Variants in SPTBN2 observed in about 807,000 individuals in gnomAD.
SPTBN2 encodes the protein spectrin beta, non-erythrocytic 2.
SPTBN2 carries 107 observed loss-of-function variants against 284.2 expected under a neutral mutation model. The ratio of observed to expected loss-of-function variants is 0.38; its 90% CI spans 0.32 to 0.44. The LOEUF is 0.44. Among genes scored for constraint, SPTBN2 ranks in the 20% least tolerant of loss-of-function variants. The probability of loss-of-function intolerance (pLI) is 1.00; values close to 1 mark genes in which losing one functional copy is unlikely to be tolerated. For synonymous variants in SPTBN2, 1,289 were observed against 1,354.8 expected (o/e 0.95, Z 1.07); for missense variants, 2,569 against 3,287.1 (o/e 0.78, Z 5.34).
intron 5 of SPTBN2, among the ~76,000 whole-genome samples, chr11:66,714,691 GAGCTGGCTCTCCAAGGTCTCTAAA>G (rs1250331225): frequency 2.0e-5 from 3 of 152,166 alleles, no homozygotes; most frequent in Non-Finnish European, 4.4e-5. Context: ...CATTTTCTGA[GAGCTGGCTCTCCAAGGTCTCTAAA>G]AGCTGGCTCT....
intron 1 of SPTBN2, among the ~76,000 whole-genome samples, chr11:66,721,643 C>T (rs1341497528): frequency 6.6e-6 from 1 of 152,128 alleles, no homozygotes. Flanking sequence ...ATATGGGGCC[C>T]CACAGGCAAT....
In SPTBN2 at chr11:66,691,183, C is replaced by A; in HGVS notation, c.5565+101G>T. 1 of 1,432,900 alleles carries A rather than the reference C, an allele frequency of 7.0e-7. No homozygotes were observed. Among genetic ancestry groups the A allele is most frequent in the Non-Finnish European group, 9.2e-7 (1 of 1,083,738 alleles). The allele number at this position is 1,432,900 out of a possible 1,614,324, so 88.8% of individuals were successfully genotyped here. Reference sequence around the variant, plus strand: ...TGGCCCTCGAAAGAGTGCCGTCCTCCCAGCATTTCTGAGCTCTACCCTAGC... The same window carrying A: ...TGGCCCTCGAAAGAGTGCCGTCCTCACAGCATTTCTGAGCTCTACCCTAGC... On this transcript the variant is annotated intron_variant, in intron 27 of 37. Coordinates refer to ENST00000533211, the MANE Select transcript of SPTBN2 (RefSeq NM_006946.4). The surrounding 1 kb of genome is among the most constrained non-coding windows in gnomAD (Gnocchi z 8.0).
Position 66,693,498 on chromosome 11 carries a change from G to T in SPTBN2, c.4594-52C>A, listed in dbSNP as rs750288936. ...GCTGAAAGTCCTGCCCCAGCCCCAC[G>T]TGCTCCCGGAGACCACCCTTCACCC... On this transcript the variant is annotated intron_variant, in intron 23 of 37. Transcript: ENST00000533211. This position sits in a 1 kb window ranked among gnomAD's most constrained non-coding sequence, Gnocchi z 5.7. 1.5e-5 allele frequency: 23 copies of T among 1,562,198 alleles called. No homozygotes were observed. The highest frequency in any genetic ancestry group is 1.9e-5 in the Non-Finnish European group (22 of 1,162,186).
Position 66,705,267 on chromosome 11 carries a change from C to T in SPTBN2, c.2009G>A (p.Gly670Asp). 1 of 1,589,834 alleles carries T rather than the reference C, an allele frequency of 6.3e-7. No homozygotes were observed. Among genetic ancestry groups the T allele is most frequent in the Non-Finnish European group, 8.5e-7 (1 of 1,173,812 alleles). ...QQHLLASADT[G>D]RDLTGALRLL... ...GCGGAGGGCACCGGTCAGGTCTCGG[C>T]CCGTGTCGGCTGAGGCCAGGAGGTG... The change falls in exon 15 of 38, where the codon GGC (glycine) becomes GAC (aspartate). Residue 670 changes from glycine to aspartate, a missense_variant. Gly to Asp is a moderately conservative substitution (Grantham distance 94, BLOSUM62 -1). Transcript: ENST00000533211.
At chr11:66,690,333 C>T (rs748501896) in intron 27 of SPTBN2, 50 bp from the exon 28 acceptor site, 32 of 1,516,544 alleles carry the variant, frequency 2.1e-5, no homozygotes, top group Non-Finnish European at 2.6e-5. Flanking sequence ...TCCAAGGAGC[C>T]GCAGCCTGCC....
chr11:66,698,322 G>A (rs1488230933), intron 20 of SPTBN2, among the ~76,000 whole-genome samples: 1 of 152,210 alleles, frequency 6.6e-6, no homozygotes, highest in Non-Finnish European at 1.5e-5. Context: ...TCCAGCCCAA[G>A]CCCTTTCCAG....
intron 6 of SPTBN2, 50 bp from the exon 7 acceptor site, chr11:66,714,221 T>C (rs1443096549): frequency 1.2e-6 from 2 of 1,609,908 alleles, no homozygotes; most frequent in African/African-American, 2.7e-5. Context: ...CTCTGTTCTA[T>C]GACTCCAGGG....
At chr11:66,696,128 A>C (rs1940896485) in intron 21 of SPTBN2, 149 bp downstream of exon 21, 1 of 1,021,096 alleles carries the variant, frequency 9.8e-7, no homozygotes, top group Non-Finnish European at 1.5e-6. Context: ...ATATCCCTAG[A>C]GATTCTGATA....
intron 37 of SPTBN2, 146 bp from the exon 38 acceptor site, chr11:66,686,250 G>T: frequency 1.5e-6 from 2 of 1,339,752 alleles, no homozygotes; most frequent in Non-Finnish European, 1.1e-6. Flanking sequence ...TAGACAGGGA[G>T]TGCGGCCTGG....
At chr11:66,699,982 G>C (rs1941150619) in intron 17 of SPTBN2, among the ~76,000 whole-genome samples, 2 of 151,532 alleles carry the variant, frequency 1.3e-5, no homozygotes, top group Admixed American at 6.6e-5. Flanking sequence ...TTTTGAGAGA[G>C]GGTTTCATTC....
At position 66,709,895 on chromosome 11, in the gene SPTBN2, C is replaced by T. The variant is rs139509976; in HGVS notation, c.1073+687G>A. Among the ~76,000 whole-genome samples the T allele has an allele frequency of 2.6e-3, 400 of 152,278 alleles. 1 individual carries two copies. The highest frequency in any genetic ancestry group is 8.8e-3 in the African/African-American group (366 of 41,554). The stretch of plus-strand genomic sequence containing the variant: ...AGAACCTCTGCAATTCTCACGTTAC[C>T]AGCCACACCCATGTTGCCGGTTGTG... On this transcript the variant is annotated intron_variant, in intron 10 of 37. Coordinates refer to ENST00000533211, the MANE Select transcript of SPTBN2 (RefSeq NM_006946.4).
Position 66,683,940 on chromosome 11 carries a change from C to T in SPTBN2, c.*1931G>A, listed in dbSNP as rs148001695. ...TGGATTCTTCCACTTAGTCCCATGA[C>T]AGATTGTTCTAGTTACGCGTATCCA... On this transcript the variant is annotated 3_prime_UTR_variant, in exon 38 of 38. Coordinates refer to ENST00000533211, the MANE Select transcript of SPTBN2 (RefSeq NM_006946.4). 6.6e-6 allele frequency among the ~76,000 whole-genome samples: 1 copy of T among 152,330 alleles called. No homozygotes were observed. Among genetic ancestry groups the T allele is most frequent in the East Asian group, 1.9e-4 (1 of 5,190 alleles).
In SPTBN2 at chr11:66,687,584, G is replaced by C. The variant is rs1464407337; in HGVS notation, c.6565C>G (p.Pro2189Ala). ...RGERQTRTRG[P>A]APSAMPQSRS... ...CTCTGGGGCATTGCAGATGGGGCCG[G>C]GCCCCGAGTCCGGGTCTGCCTCTCT... Residue 2189 changes from proline (P) to alanine (A), a missense_variant, in exon 35 of 38, where the codon CCG becomes GCG. Pro to Ala is a conservative substitution (Grantham distance 27). Transcript: ENST00000533211. This position sits in a 1 kb window ranked among gnomAD's most constrained non-coding sequence, Gnocchi z 5.2. The C allele has an allele frequency of 2.0e-5, 33 of 1,610,682 alleles. No homozygotes were observed. The African/African-American group carries it at 3.3e-4, about 16-fold the overall frequency.
Position 66,687,999 on chromosome 11 carries a change from G to A in SPTBN2, c.6450+5C>T, listed in dbSNP as rs777864924. 1.2e-6 allele frequency: 2 copies of A among 1,614,210 alleles called. No homozygotes were observed. The highest frequency in any genetic ancestry group is 1.7e-6 in the Non-Finnish European group (2 of 1,180,016). On this transcript the variant is annotated splice_donor_5th_base_variant and intron_variant, in intron 33 of 37. Transcript: ENST00000533211. This position sits in a 1 kb window ranked among gnomAD's most constrained non-coding sequence, Gnocchi z 5.2. ...GATGGGGGCACAGAGGGACAGTGGG[G>A]TCACCTGTGAGGGCTCTCCATCTGT...
At position 66,685,506 on chromosome 11, in the gene SPTBN2, C is replaced by T. The variant is rs1452956802; in HGVS notation, c.*365G>A. The T allele has an allele frequency of 2.5e-5, 8 of 314,962 alleles. No individual in the cohort carries two copies. Among genetic ancestry groups the T allele is most frequent in the Non-Finnish European group, 4.3e-5 (7 of 161,990 alleles). 19.5% of individuals were successfully genotyped at this position (314,962 alleles called of 1,614,324 possible). On this transcript the variant is annotated 3_prime_UTR_variant, in exon 38 of 38. Coordinates refer to ENST00000533211, the MANE Select transcript of SPTBN2 (RefSeq NM_006946.4). The surrounding 1 kb of genome is among the most constrained non-coding windows in gnomAD (Gnocchi z 4.4). ...CCAGAAGGCAGAAGGCGAGTGCCCT[C>T]GCATGGCAGGAGAATGACCCTGAGG... is the stretch of plus-strand genomic sequence containing the variant.
chr11:66,730,797 C>T (rs372822296), upstream of SPTBN2, among the ~76,000 whole-genome samples: 3 of 152,196 alleles, frequency 2.0e-5, no homozygotes, highest in African/African-American at 7.2e-5. Flanking sequence ...CTTCAAGAAG[C>T]CTTGTAAGAT....
chr11:66,711,392 A>T (rs1173861723), intron 8 of SPTBN2, among the ~76,000 whole-genome samples: 1 of 152,208 alleles, frequency 6.6e-6, no homozygotes, highest in African/African-American at 2.4e-5. Flanking sequence ...ATAATGTTTA[A>T]GAAGTCAATG....
Position 66,691,193 on chromosome 11 carries a change from T to C in SPTBN2, c.5565+91A>G. Reference sequence around the variant, plus strand: ...AAGAGTGCCGTCCTCCCAGCATTTCTGAGCTCTACCCTAGCTCCTGGGAAC... The same window carrying C: ...AAGAGTGCCGTCCTCCCAGCATTTCCGAGCTCTACCCTAGCTCCTGGGAAC... On this transcript the variant is annotated intron_variant, in intron 27 of 37. Coordinates refer to ENST00000533211, the MANE Select transcript of SPTBN2 (RefSeq NM_006946.4). This position sits in a 1 kb window ranked among gnomAD's most constrained non-coding sequence, Gnocchi z 8.0. 6.9e-7 allele frequency: 1 copy of C among 1,453,240 alleles called. No individual in the cohort carries two copies. Among genetic ancestry groups the C allele is most frequent in the Non-Finnish European group, 9.1e-7 (1 of 1,095,840 alleles). The allele number at this position is 1,453,240 out of a possible 1,614,324, so 90.0% of individuals were successfully genotyped here.
rs1400102502 is a variant in SPTBN2, at chr11:66,683,393, C to CG, written c.*2477_*2478insC. Among the ~76,000 whole-genome samples, 2 of 152,204 alleles carry CG rather than the reference C, an allele frequency of 1.3e-5. No homozygotes were observed. Among genetic ancestry groups the CG allele is most frequent in the Admixed American group, 1.3e-4 (2 of 15,286 alleles). On this transcript the variant is annotated 3_prime_UTR_variant, in exon 38 of 38. Transcript: ENST00000533211. ...AGTAATCCATTTTTATCTGCCATCT[C>CG]TCTCCATTGATTTGTGCTGCCTGCA...
Sources: allele counts gnomAD v4.1 joint callset (sites outside exome capture counted in the v4.1 genomes callset), GRCh38; gene constraint gnomAD v4.1.1; non-coding constraint Gnocchi (gnomAD v3.1); transcripts MANE v1.5; gene names NCBI Gene and HGNC (gene_info 2026-07-23, HGNC 2026-07-21).